NLN: variants seen among roughly 807,000 people sequenced by gnomAD.
The protein encoded by NLN is neurolysin.
In NLN, 64 loss-of-function variants were observed where a neutral mutation model predicts 79.9. The observed-to-expected ratio is 0.80, with a 90% CI of 0.65 to 0.99. The LOEUF is 0.99. NLN is among the 50% of genes least tolerant of loss of function. The probability of loss-of-function intolerance (pLI) is 0.00; values close to 1 mark genes in which losing one functional copy is unlikely to be tolerated. For synonymous variants in NLN, 267 were observed against 296.6 expected, an observed-to-expected ratio of 0.90 and a Z score of 1.02; for missense variants, 835 against 858.7, an observed-to-expected ratio of 0.97 and a Z score of 0.34.
chr5:65,730,069 A>T (rs1758572020), intron 1 of NLN, among the ~76,000 whole-genome samples: 1 of 152,228 alleles, frequency 6.6e-6, no homozygotes, highest in Non-Finnish European at 1.5e-5. Context: ...CCAAATATTT[A>T]TTGTCTATTA....
chr5:65,723,958 GA>G (rs994542207), intron 1 of NLN, among the ~76,000 whole-genome samples: 2 of 151,668 alleles, frequency 1.3e-5, no homozygotes, highest in African/African-American at 4.8e-5. Flanking sequence ...ATTAAAGCTG[GA>G]AAAAAATTAA....
intron 1 of NLN, among the ~76,000 whole-genome samples, chr5:65,744,447 C>T (rs1005488156): frequency 6.7e-6 from 1 of 149,658 alleles, no homozygotes; most frequent in Admixed American, 6.7e-5. Flanking sequence ...TTGAGAAGTC[C>T]TTTTATAATA....
intron 10 of NLN, 53 bp downstream of exon 10, chr5:65,809,754 AT>A: frequency 7.4e-7 from 1 of 1,354,150 alleles, no homozygotes; most frequent in Non-Finnish European, 1.0e-6. Context: ...TTAATGTAGA[AT>A]TGCTGTCACC....
At position 65,758,496 on chromosome 5, in the gene NLN, A is replaced by T. The variant is rs1287900512; in HGVS notation, c.42-71A>T. The T allele has an allele frequency of 4.2e-5, 42 of 994,060 alleles. No homozygotes were observed. In the East Asian group the frequency reaches 9.5e-4, roughly 22 times the overall value. 61.6% of individuals were successfully genotyped at this position (994,060 alleles called of 1,614,324 possible). A position where few individuals can be genotyped will look rare whatever the true frequency, so the allele number is the denominator to read the frequency against. The stretch of plus-strand genomic sequence containing the variant: ...TTTTAATTTAATATTTAATTTTATA[A>T]TGCACATTCATATGTTGACTTTGGA... On this transcript the variant is annotated intron_variant, in intron 1 of 12. Transcript: ENST00000380985.
At chr5:65,800,584 G>C (rs1478045388) in intron 9 of NLN, among the ~76,000 whole-genome samples, 1 of 152,132 alleles carries the variant, frequency 6.6e-6, no homozygotes, top group African/African-American at 2.4e-5. Context: ...CAGGAGAATG[G>C]CGTGAACCCA....
rs1220094119 is a variant in NLN, at chr5:65,763,108, G to A, written c.450G>A (p.Gln150=). Residue 150 remains glutamine (Q), a splice_region_variant and synonymous_variant, in exon 3 of 13, where the codon CAG becomes CAA. Transcript: ENST00000380985. ...TATTTGAGAGAATTGTTCATTTACA[G>A]GTAAGTGGTGTTATAAATCCCTTTA... The part of the protein sequence containing the change: ...GDIFERIVHL[Q]ETCDLGKIKP... 1 of 1,612,566 alleles carries A rather than the reference G, an allele frequency of 6.2e-7. No individual in the cohort carries two copies. Among genetic ancestry groups the A allele is most frequent in the Admixed American group, 1.7e-5 (1 of 59,928 alleles).
intron 8 of NLN, among the ~76,000 whole-genome samples, chr5:65,791,597 T>C (rs966388524): frequency 3.3e-5 from 5 of 151,732 alleles, no homozygotes; most frequent in Non-Finnish European, 7.4e-5. Context: ...GTGTTGTATA[T>C]ATGTAATACC....
At chr5:65,818,651 G>A (rs1232691586) in intron 12 of NLN, 1 of 152,150 alleles carries the variant, frequency 6.6e-6, no homozygotes, top group African/African-American at 2.4e-5. Context: ...AGAAAACAAA[G>A]GGTGTGCTCT....
At chr5:65,774,081 A>G (rs1430757812) in intron 3 of NLN, among the ~76,000 whole-genome samples, 2 of 116,944 alleles carry the variant, frequency 1.7e-5, no homozygotes, top group African/African-American at 3.4e-5. Context: ...TGCTGTTTTT[A>G]ACCATTAGAT....
At chr5:65,812,449 C>A in intron 12 of NLN, 58 bp downstream of exon 12, 1 of 1,201,294 alleles carries the variant, frequency 8.3e-7, no homozygotes, top group East Asian at 2.3e-5. Context: ...CCCTTTAACT[C>A]CTAGTGTAAA....
At chr5:65,816,384 G>A (rs755001042) in intron 12 of NLN, among the ~76,000 whole-genome samples, 1 of 151,990 alleles carries the variant, frequency 6.6e-6, no homozygotes, top group Non-Finnish European at 1.5e-5. Context: ...TTTTGGAGAA[G>A]GTGAAAGATG....
intron 6 of NLN, 118 bp from the exon 7 acceptor site, chr5:65,785,657 G>T: frequency 1.4e-5 from 9 of 664,878 alleles, no homozygotes; most frequent in East Asian, 3.2e-5. Context: ...AAATTTAAAT[G>T]GTCTAAAAAT....
At chr5:65,807,237 C>G (rs1475552484) in intron 9 of NLN, among the ~76,000 whole-genome samples, 1 of 151,520 alleles carries the variant, frequency 6.6e-6, no homozygotes, top group Non-Finnish European at 1.5e-5. Flanking sequence ...CACAGCCATG[C>G]CAACCTTCCA....
At chr5:65,775,588 G>T (rs1411650846) in intron 3 of NLN, among the ~76,000 whole-genome samples, 1 of 152,170 alleles carries the variant, frequency 6.6e-6, no homozygotes, top group East Asian at 1.9e-4. Flanking sequence ...GACTCCTGTT[G>T]CTGTGCTTCA....
intron 1 of NLN, among the ~76,000 whole-genome samples, chr5:65,743,995 C>A (rs1485212993): frequency 1.3e-5 from 2 of 152,232 alleles, no homozygotes; most frequent in Non-Finnish European, 2.9e-5. Flanking sequence ...GAGTCACACA[C>A]ACTGTCCTCT....
Position 65,819,521 on chromosome 5 carries a change from C to T in NLN, c.1981-3260C>T, listed in dbSNP as rs543945676. ...AATTGTCACTGTTAGAGAAGACTTG[C>T]ATAGCTGCCAAAAGATACATGCTAA... On this transcript the variant is annotated intron_variant, in intron 12 of 12. Transcript: ENST00000380985. Among the ~76,000 whole-genome samples the T allele has an allele frequency of 3.9e-5, 6 of 152,294 alleles. No individual in the cohort carries two copies. In the East Asian group the frequency reaches 1.2e-3, roughly 29 times the overall value.
chr5:65,777,896 A>C (rs565594018), intron 4 of NLN, among the ~76,000 whole-genome samples: 57 of 152,348 alleles, frequency 3.7e-4, no homozygotes, highest in Non-Finnish European at 6.5e-4. Context: ...TAGTGGTTTT[A>C]AATTCTACAA....
intron 1 of NLN, among the ~76,000 whole-genome samples, chr5:65,738,992 A>ATT (rs1478615591): frequency 1.4e-5 from 2 of 140,596 alleles, no homozygotes; most frequent in African/African-American, 5.2e-5. Context: ...ATATATTTAT[A>ATT]TATATTTTAT....
chr5:65,774,462 A>G (rs1357494295), intron 3 of NLN, among the ~76,000 whole-genome samples: 1 of 152,126 alleles, frequency 6.6e-6, no homozygotes, highest in Non-Finnish European at 1.5e-5. Context: ...CCCTCTTAGA[A>G]AATCCTTGGG....
Sources: gnomAD v4.1 joint callset for allele counts (sites outside exome capture counted in the v4.1 genomes callset) on GRCh38, gnomAD v4.1.1 for gene constraint, MANE v1.5 for transcripts, NCBI Gene and HGNC (gene_info 2026-07-23, HGNC 2026-07-21) for gene names.